HOPX: variants seen among roughly 807,000 people sequenced by gnomAD.
HOPX encodes HOP homeobox.
HOPX carries 5 observed loss-of-function variants against 11.8 expected under a neutral mutation model. The observed-to-expected ratio is 0.43, with a 90% CI of 0.22 to 0.89. The LOEUF is 0.89. Ranked by LOEUF, HOPX falls within the 40% of genes least tolerant of loss-of-function variation. HOPX has a pLI of 0.28. For synonymous variants in HOPX, 49 were observed against 49.7 expected (o/e 0.99, Z 0.06); for missense variants, 119 against 120.0 (o/e 0.99, Z 0.04).
intron 3 of HOPX, among the ~76,000 whole-genome samples, chr4:56,653,213 C>A (rs1002213107): frequency 2.6e-5 from 4 of 151,794 alleles, no homozygotes. Context: ...GATTTTTTTA[C>A]TTTTTTATTT....
intron 1 of HOPX, chr4:56,679,383 T>A (rs539911643): frequency 2.0e-5 from 3 of 152,174 alleles, no homozygotes; most frequent in Non-Finnish European, 2.9e-5. Context: ...AACATATCCA[T>A]CACCCTCAAA....
At position 56,676,100 on chromosome 4, in the gene HOPX, C is replaced by A. The variant is rs140752059; in HGVS notation, c.-84+5155G>T. Among the ~76,000 whole-genome samples, 12 of 151,618 alleles carry A rather than the reference C, an allele frequency of 7.9e-5. 1 individual carries two copies. Among genetic ancestry groups the A allele is most frequent in the African/African-American group, 2.9e-4 (12 of 40,930 alleles). On this transcript the variant is annotated intron_variant, in intron 1 of 3. Coordinates refer to ENST00000420433, the MANE Select transcript of HOPX (RefSeq NM_032495.6). ...TCGTTTGAGCTCAGGAGTTCAAGAC[C>A]AGCCTTGGCAACATGGTGAAACCCT...
At chr4:56,671,173 G>T (rs1251382299) in intron 1 of HOPX, among the ~76,000 whole-genome samples, 2 of 151,906 alleles carry the variant, frequency 1.3e-5, no homozygotes, top group East Asian at 3.9e-4. Flanking sequence ...ATCATGATTG[G>T]TTTTTTTGAA....
chr4:56,656,054 A>G (rs4626270), intron 2 of HOPX, 42 bp from the exon 3 acceptor site: 662,590 of 1,498,926 alleles, frequency 0.44, 150,727 homozygotes, highest in African/African-American at 0.64. Context: ...CGAGGCGTGG[A>G]GCGGGCGGGA....
At chr4:56,657,746 TC>T (rs1205732090) in intron 2 of HOPX, 28 bp downstream of exon 2, 1 of 951,730 alleles carries the variant, frequency 1.1e-6, no homozygotes. Context: ...ACACACAACT[TC>T]AGAGCTGGGA....
intron 1 of HOPX, among the ~76,000 whole-genome samples, chr4:56,668,554 T>C (rs1450604105): frequency 6.6e-6 from 1 of 152,158 alleles, no homozygotes; most frequent in Non-Finnish European, 1.5e-5. Flanking sequence ...TGTTCTTTTT[T>C]TAGTTTTTTT....
At chr4:56,662,478 T>TC (rs1560368999) in intron 1 of HOPX, 1 of 106,768 alleles carries the variant, frequency 9.4e-6, no homozygotes, top group African/African-American at 4.5e-5. Flanking sequence ...TCTTTCTTTC[T>TC]TTCTTCTTTT....
intron 1 of HOPX, among the ~76,000 whole-genome samples, chr4:56,668,201 C>T (rs1433172087): frequency 6.6e-6 from 1 of 151,626 alleles, no homozygotes; most frequent in East Asian, 1.9e-4. Context: ...CTGAGATTAA[C>T]AGGAGTAAGC....
rs974627345 is a variant in HOPX, at chr4:56,648,127, T to C, written c.*593A>G. The C allele has an allele frequency of 3.9e-5, 6 of 152,182 alleles. No homozygotes were observed. The highest frequency in any genetic ancestry group is 2.6e-4 in the Admixed American group (4 of 15,270). 9.4% of individuals were successfully genotyped at this position (152,182 alleles called of 1,614,324 possible). On this transcript the variant is annotated 3_prime_UTR_variant, in exon 4 of 4. Coordinates refer to ENST00000420433, the MANE Select transcript of HOPX (RefSeq NM_032495.6). ...ATTCAAGAACTTTGGTGGTTTTTTT[T>C]CTTAGATGCTTGCTTTTTTGCCAGT...
intron 3 of HOPX, among the ~76,000 whole-genome samples, chr4:56,654,693 A>T (rs1276619459): frequency 6.6e-6 from 1 of 152,206 alleles, no homozygotes; most frequent in African/African-American, 2.4e-5. Flanking sequence ...CTCTGGCTTA[A>T]TTAGTAAAAA....
intron 1 of HOPX, among the ~76,000 whole-genome samples, chr4:56,661,600 C>T (rs1718141446): frequency 6.6e-6 from 1 of 152,220 alleles, no homozygotes; most frequent in African/African-American, 2.4e-5. Flanking sequence ...TGCTCCAAAT[C>T]CTCATCAACA....
intron 2 of HOPX, 72 bp from the exon 3 acceptor site, chr4:56,656,084 C>CGCG (rs1474190843): frequency 7.3e-7 from 1 of 1,372,922 alleles, no homozygotes; most frequent in Admixed American, 3.6e-5. Context: ...GGAAGGCGGT[C>CGCG]GCGGCGCCGC....
chr4:56,657,709 T>A, intron 2 of HOPX, 66 bp downstream of exon 2: 2 of 740,908 alleles, frequency 2.7e-6, no homozygotes, highest in Non-Finnish European at 4.9e-6. Context: ...CTTCTTCTTC[T>A]GTGTGCACCC....
At chr4:56,667,515 A>T (rs1286234154) in intron 1 of HOPX, among the ~76,000 whole-genome samples, 1 of 152,200 alleles carries the variant, frequency 6.6e-6, no homozygotes, top group African/African-American at 2.4e-5. Flanking sequence ...AAGCATTAGC[A>T]CAACCGTATT....
intron 1 of HOPX, chr4:56,679,651 T>A (rs974043689): frequency 6.6e-6 from 1 of 152,204 alleles, no homozygotes; most frequent in African/African-American, 2.4e-5. Context: ...CTAATTTTTG[T>A]ATTTTTAGTA....
chr4:56,652,291 G>C (rs1045549814), intron 3 of HOPX, among the ~76,000 whole-genome samples: 1 of 152,078 alleles, frequency 6.6e-6, no homozygotes, highest in Non-Finnish European at 1.5e-5. Flanking sequence ...CCCAAGTATC[G>C]GCCCTGTGAA....
chr4:56,654,504 T>C (rs1717492300), intron 3 of HOPX, among the ~76,000 whole-genome samples: 1 of 152,224 alleles, frequency 6.6e-6, no homozygotes, highest in South Asian at 2.1e-4. Context: ...CAGGCTGCCT[T>C]CTCAGGGGAT....
chr4:56,670,884 C>G (rs1251558244), intron 1 of HOPX, among the ~76,000 whole-genome samples: 1 of 151,874 alleles, frequency 6.6e-6, no homozygotes, highest in African/African-American at 2.4e-5. Context: ...GCAATCTCAG[C>G]TACTCGGGAG....
intron 1 of HOPX, among the ~76,000 whole-genome samples, chr4:56,673,962 C>A (rs1718873959): frequency 6.6e-6 from 1 of 151,670 alleles, no homozygotes; most frequent in African/African-American, 2.4e-5. Context: ...ACCTCATCCT[C>A]CCAAAGTGCT....
Sources: gnomAD v4.1 joint callset for allele counts (sites outside exome capture counted in the v4.1 genomes callset) on GRCh38, gnomAD v4.1.1 for gene constraint, MANE v1.5 for transcripts, NCBI Gene and HGNC (gene_info 2026-07-23, HGNC 2026-07-21) for gene names.